TRABD: variants seen among roughly 807,000 people sequenced by gnomAD.
TRABD encodes traB domain-containing protein.
In TRABD, 23 loss-of-function variants were observed where a neutral mutation model predicts 39.6. That is an observed-to-expected ratio of 0.58 (90% CI 0.42 to 0.82). The LOEUF is 0.82. TRABD is among the 40% of genes least tolerant of loss of function. The pLI is 0.00. For missense variants in TRABD, 487 were observed against 544.9 expected, an observed-to-expected ratio of 0.89 and a Z score of 1.06; for synonymous variants, 243 against 232.1, an observed-to-expected ratio of 1.05 and a Z score of -0.43.
chr22:50,190,205 G>A (rs983779708), intron 1 of TRABD, among the ~76,000 whole-genome samples: 1 of 152,210 alleles, frequency 6.6e-6, no homozygotes, highest in Non-Finnish European at 1.5e-5. Flanking sequence ...CGGGCAGCAC[G>A]CCTCTGCTGA....
chr22:50,196,936 G>T, intron 5 of TRABD: 1 of 335,450 alleles, frequency 3.0e-6, no homozygotes, highest in Non-Finnish European at 5.6e-6. Context: ...CTGACCTCGT[G>T]ATCCGCCTGC....
At chr22:50,194,657 G>A (rs1167658777) in intron 4 of TRABD, 151 bp downstream of exon 4, 8 of 1,349,052 alleles carry the variant, frequency 5.9e-6, no homozygotes, top group South Asian at 1.4e-5. Context: ...GTGGCAAGGT[G>A]GGCTTCCTGC....
intron 1 of TRABD, among the ~76,000 whole-genome samples, chr22:50,190,369 A>C (rs1478751527): frequency 1.3e-5 from 2 of 152,034 alleles, no homozygotes; most frequent in Non-Finnish European, 2.9e-5. Flanking sequence ...TGGGGTCAGG[A>C]CCAGCGCCTG....
At chr22:50,197,191 G>GCGGGGGGGCCCCCCC in intron 5 of TRABD, 50 bp from the exon 6 acceptor site, 1 of 1,553,438 alleles carries the variant, frequency 6.4e-7, no homozygotes, top group Non-Finnish European at 8.8e-7. Flanking sequence ...TTCCCCCAGC[G>GCGGGGGGGCCCCCCC]CACCCCCGCA....
intron 4 of TRABD, 35 bp downstream of exon 4, chr22:50,194,541 G>A (rs1342305431): frequency 2.6e-6 from 4 of 1,559,242 alleles, no homozygotes; most frequent in Non-Finnish European, 3.5e-6. Flanking sequence ...CCGGACACGG[G>A]TTGGTGTAAG....
chr22:50,187,393 G>C (rs561715461), intron 1 of TRABD, among the ~76,000 whole-genome samples: 1 of 152,368 alleles, frequency 6.6e-6, no homozygotes, highest in East Asian at 1.9e-4. Flanking sequence ...ATCAGAAACA[G>C]GAAGCAGGGG....
At chr22:50,193,298 C>A (rs562405006) in intron 2 of TRABD, among the ~76,000 whole-genome samples, 1 of 152,256 alleles carries the variant, frequency 6.6e-6, no homozygotes, top group Middle Eastern at 3.4e-3. Flanking sequence ...TGATGGCAGC[C>A]GTGCCAGTGA....
At chr22:50,193,126 CA>C (rs776172900) in intron 2 of TRABD, 33 bp downstream of exon 2, 15 of 1,529,768 alleles carry the variant, frequency 9.8e-6, no homozygotes, top group Middle Eastern at 2.0e-4. Context: ...TGCACAGAGA[CA>C]GGGGCGGGGG....
rs1002987932 is a variant in TRABD at position 50,185,921 on chromosome 22, C to G, written c.-90C>G. On this transcript the variant is annotated 5_prime_UTR_variant, in exon 1 of 10. Coordinates refer to ENST00000380909, the MANE Select transcript of TRABD (RefSeq NM_001320485.2). ...CCCCGCGGCCCCAGCCCGCCCCGTC[C>G]GTTGAGGGCCCGCGCCGCATGGAGG... The G allele has an allele frequency of 1.3e-5, 2 of 149,634 alleles. No homozygotes were observed. Among genetic ancestry groups the G allele is most frequent in the African/African-American group, 4.9e-5 (2 of 41,102 alleles). 9.3% of individuals were successfully genotyped at this position (149,634 alleles called of 1,614,324 possible).
rs150550520 is a variant in TRABD at position 50,197,445 on chromosome 22, C to G, written c.532-4C>G. On this transcript the variant is annotated splice_region_variant and splice_polypyrimidine_tract_variant and intron_variant, in intron 6 of 9. Transcript: ENST00000380909. ...TGCTCCCCAACACCCAGCCTCTGCT[C>G]CAGGCCAGCAAGGTGCCTTTCTGCA... 1 of 1,613,740 alleles carries G rather than the reference C, an allele frequency of 6.2e-7. No individual in the cohort carries two copies. The highest frequency in any genetic ancestry group is 8.5e-7 in the Non-Finnish European group (1 of 1,179,954).
At chr22:50,195,741 G>A (rs937659676) in intron 5 of TRABD, among the ~76,000 whole-genome samples, 2 of 152,148 alleles carry the variant, frequency 1.3e-5, no homozygotes, top group Non-Finnish European at 2.9e-5. Context: ...TGGGAATACA[G>A]GCATGAGCCA....
intron 5 of TRABD, chr22:50,196,764 G>A (rs4084288): frequency 0.18 from 27,472 of 153,734 alleles, 2,803 homozygotes; most frequent in East Asian, 0.32. Flanking sequence ...TGGTGATCTC[G>A]GCTCACTGCA....
chr22:50,186,461 C>T (rs1167728525), intron 1 of TRABD, among the ~76,000 whole-genome samples: 2 of 152,070 alleles, frequency 1.3e-5, no homozygotes, highest in Admixed American at 6.5e-5. Flanking sequence ...CGGAGCCCCC[C>T]AGGGCTGGGG....
chr22:50,191,216 TCTC>T (rs2063898000), intron 1 of TRABD, among the ~76,000 whole-genome samples: 1 of 152,116 alleles, frequency 6.6e-6, no homozygotes, highest in East Asian at 1.9e-4. Flanking sequence ...GCTGCCCTCT[TCTC>T]GGCCAGCTTC....
At chr22:50,193,534 G>C in intron 2 of TRABD, 42 bp from the exon 3 acceptor site, 3 of 1,593,312 alleles carry the variant, frequency 1.9e-6, no homozygotes, top group Non-Finnish European at 2.6e-6. Context: ...TGGCTTTCTG[G>C]GGTGCATGGA....
intron 7 of TRABD, 60 bp from the exon 8 acceptor site, chr22:50,197,763 A>AGCCCCCCCCCCCCCCCCCCCGG: frequency 1.1e-5 from 16 of 1,439,766 alleles, no homozygotes; most frequent in East Asian, 2.3e-5. Flanking sequence ...CCACAGTGCC[A>AGCCCCCCCCCCCCCCCCCCCGG]GCCCCACCCC....
At position 50,198,666 on chromosome 22, in the gene TRABD, A is replaced by C; in HGVS notation, c.*147A>C. 2.8e-6 allele frequency: 2 copies of C among 722,830 alleles called. No individual in the cohort carries two copies. The highest frequency in any genetic ancestry group is 2.2e-5 in the South Asian group (1 of 45,286). The allele number at this position is 722,830 out of a possible 1,614,324, so 44.8% of individuals were successfully genotyped here. ...CCTCGCCTGCCCTCCTGGGCCAGTC[A>C]CCCCTCCCCCAGCCCACCCAAATAA... On this transcript the variant is annotated 3_prime_UTR_variant, in exon 10 of 10. Coordinates refer to ENST00000380909, the MANE Select transcript of TRABD (RefSeq NM_001320485.2). The surrounding 1 kb of genome is among the most constrained non-coding windows in gnomAD (Gnocchi z 7.9).
rs572225547 is a variant in TRABD, at chr22:50,190,271, G to T, written c.-34-2756G>T. 7.9e-5 allele frequency among the ~76,000 whole-genome samples: 12 copies of T among 152,324 alleles called. No homozygotes were observed. In the South Asian group the frequency reaches 2.5e-3, roughly 32 times the overall value. ...CACTGCCTCTGGTGGCGCTGACATC[G>T]TCCTGCTCAAGGCTTGGCAGCCGGC... On this transcript the variant is annotated intron_variant, in intron 1 of 9. Transcript: ENST00000380909.
intron 5 of TRABD, among the ~76,000 whole-genome samples, chr22:50,195,636 G>C (rs576739866): frequency 1.3e-5 from 2 of 151,932 alleles, no homozygotes; most frequent in East Asian, 3.9e-4. Context: ...CTAATTTTTT[G>C]TATTTTTAGT....
Sources: gnomAD v4.1 joint callset for allele counts (sites outside exome capture counted in the v4.1 genomes callset) on GRCh38, gnomAD v4.1.1 for gene constraint, Gnocchi (gnomAD v3.1) non-coding constraint, MANE v1.5 for transcripts, NCBI Gene and HGNC (gene_info 2026-07-23, HGNC 2026-07-21) for gene names.